The following LRRC4C variants were observed in gnomAD, a reference collection of about 807,000 sequenced individuals.
LRRC4C encodes leucine rich repeat containing 4C.
In LRRC4C, 5 loss-of-function variants were observed where a neutral mutation model predicts 33.6. The observed-to-expected ratio is 0.15, with a 90% CI of 0.08 to 0.31. The LOEUF is 0.31. Among genes scored for constraint, LRRC4C ranks in the 10% least tolerant of loss-of-function variants. LRRC4C has a pLI of 1.00. For synonymous variants in LRRC4C, 329 were observed against 302.0 expected (o/e 1.09, Z -0.93); for missense variants, 560 against 796.7 (o/e 0.70, Z 3.58).
chr11:40,535,514 C>A (rs764720892), intron 3 of LRRC4C, among the ~76,000 whole-genome samples: 1 of 152,280 alleles, frequency 6.6e-6, no homozygotes, highest in African/African-American at 2.4e-5. Flanking sequence ...AATACAAGTG[C>A]AATGTAACTT....
At chr11:41,001,736 T>C (rs1409226250) in intron 1 of LRRC4C, among the ~76,000 whole-genome samples, 1 of 152,200 alleles carries the variant, frequency 6.6e-6, no homozygotes, top group Non-Finnish European at 1.5e-5. Flanking sequence ...GATGAGATGA[T>C]TTAGCATAGC....
At chr11:41,127,189 A>G (rs1319767430) in intron 1 of LRRC4C, among the ~76,000 whole-genome samples, 2 of 151,992 alleles carry the variant, frequency 1.3e-5, no homozygotes, top group Non-Finnish European at 2.9e-5. Flanking sequence ...GTTTCTTTAT[A>G]AATCAAATAT....
intron 3 of LRRC4C, among the ~76,000 whole-genome samples, chr11:40,600,708 C>G (rs781284876): frequency 1.3e-4 from 20 of 152,152 alleles, no homozygotes; most frequent in Non-Finnish European, 2.8e-4. Flanking sequence ...CAGGACCACA[C>G]TGGAACAAAG....
intron 2 of LRRC4C, among the ~76,000 whole-genome samples, chr11:40,755,759 G>T (rs1948918496): frequency 6.6e-6 from 1 of 152,078 alleles, no homozygotes. Flanking sequence ...CTACTTTAGA[G>T]AAACTGGCAT....
chr11:40,409,085 C>A (rs577542014), intron 3 of LRRC4C, among the ~76,000 whole-genome samples: 81 of 151,922 alleles, frequency 5.3e-4, no homozygotes, highest in Middle Eastern at 3.4e-3. Flanking sequence ...ATAGAGAGCC[C>A]AGAAATCCAC....
intron 4 of LRRC4C, among the ~76,000 whole-genome samples, chr11:40,317,990 C>T (rs1346016477): frequency 1.3e-5 from 2 of 152,064 alleles, no homozygotes; most frequent in Non-Finnish European, 2.9e-5. Context: ...TACATATTAG[C>T]TTCCAGAGGT....
intron 2 of LRRC4C, among the ~76,000 whole-genome samples, chr11:40,773,902 C>T (rs972254259): frequency 2.0e-5 from 3 of 151,920 alleles, no homozygotes; most frequent in East Asian, 3.9e-4. Flanking sequence ...GTATATGATT[C>T]GGTGGTATAT....
chr11:40,529,164 A>G (rs1346317675), intron 3 of LRRC4C, among the ~76,000 whole-genome samples: 2 of 152,122 alleles, frequency 1.3e-5, no homozygotes, highest in Non-Finnish European at 2.9e-5. Flanking sequence ...ATATCAAGTT[A>G]AGTTCTTACT....
At chr11:41,431,140 T>A (rs1354690653) in intron 1 of LRRC4C, among the ~76,000 whole-genome samples, 2 of 152,120 alleles carry the variant, frequency 1.3e-5, no homozygotes, top group African/African-American at 2.4e-5. Flanking sequence ...TTTTCATGTA[T>A]CTACTGTATA....
At chr11:40,966,562 C>G (rs1851378738) in intron 1 of LRRC4C, among the ~76,000 whole-genome samples, 1 of 151,902 alleles carries the variant, frequency 6.6e-6, no homozygotes, top group African/African-American at 2.4e-5. Context: ...TCTACTTTTT[C>G]CCTTCTCTAA....
At chr11:41,211,979 C>T (rs558591388) in intron 1 of LRRC4C, among the ~76,000 whole-genome samples, 1 of 152,308 alleles carries the variant, frequency 6.6e-6, no homozygotes, top group Non-Finnish European at 1.5e-5. Flanking sequence ...TCTCCACATC[C>T]TCTCCAGCAC....
At chr11:40,334,266 A>C (rs1374485211) in intron 3 of LRRC4C, among the ~76,000 whole-genome samples, 1 of 152,190 alleles carries the variant, frequency 6.6e-6, no homozygotes, top group African/African-American at 2.4e-5. Context: ...ACATTTGCTT[A>C]GCAAGGACAC....
At chr11:40,786,069 T>C (rs1950400992) in intron 2 of LRRC4C, among the ~76,000 whole-genome samples, 1 of 152,232 alleles carries the variant, frequency 6.6e-6, no homozygotes, top group Non-Finnish European at 1.5e-5. Flanking sequence ...TCTTTGCATA[T>C]AAACTCATAC....
rs149942816 is a variant in LRRC4C, at chr11:40,437,685, T to C, written c.-269-117964A>G. Among the ~76,000 whole-genome samples, 585 of 151,964 alleles carry C rather than the reference T, an allele frequency of 3.8e-3. 5 individuals are homozygous for C. The highest frequency in any genetic ancestry group is 5.4e-3 in the Non-Finnish European group (366 of 67,966). On this transcript the variant is annotated intron_variant, in intron 3 of 6. Transcript: ENST00000528697. ...CTGGGATTACAGGTGTGAGCCACCG[T>C]TCCCGGCTGTGACTTTCTTTTTCCT...
chr11:41,338,541 C>T (rs1025325856), intron 1 of LRRC4C, among the ~76,000 whole-genome samples: 2 of 151,740 alleles, frequency 1.3e-5, no homozygotes, highest in Non-Finnish European at 2.9e-5. Context: ...TGGGGCCTGT[C>T]GGGAGGTGGT....
intron 5 of LRRC4C, among the ~76,000 whole-genome samples, chr11:40,232,143 A>T (rs536099894): frequency 6.6e-6 from 1 of 152,252 alleles, no homozygotes; most frequent in South Asian, 2.1e-4. Context: ...AGTAGCCGAG[A>T]TTACAGTTGC....
chr11:41,353,338 C>A (rs1952048648), intron 1 of LRRC4C, among the ~76,000 whole-genome samples: 1 of 151,970 alleles, frequency 6.6e-6, no homozygotes, highest in Admixed American at 6.6e-5. Flanking sequence ...AATATCTGAA[C>A]AGACCAATAA....
At chr11:40,601,439 G>T (rs1402354309) in intron 3 of LRRC4C, among the ~76,000 whole-genome samples, 1 of 152,146 alleles carries the variant, frequency 6.6e-6, no homozygotes, top group African/African-American at 2.4e-5. Context: ...ATAATGTGTG[G>T]TGTTTGTGAA....
chr11:40,586,159 T>C (rs1453368638), intron 3 of LRRC4C, among the ~76,000 whole-genome samples: 1 of 151,690 alleles, frequency 6.6e-6, no homozygotes, highest in Non-Finnish European at 1.5e-5. Context: ...TTTTAATTAT[T>C]GCCATTCTAA....
Sources: allele counts gnomAD v4.1 joint callset (sites outside exome capture counted in the v4.1 genomes callset), GRCh38; gene constraint gnomAD v4.1.1; transcripts MANE v1.5; gene names NCBI Gene and HGNC (gene_info 2026-07-23, HGNC 2026-07-21).